The following HS3ST4 variants were observed in gnomAD, a reference collection of about 807,000 sequenced individuals.
HS3ST4 encodes heparan sulfate-glucosamine 3-sulfotransferase 4.
A neutral mutation model predicts 29.2 loss-of-function variants in HS3ST4; 17 were observed. The observed-to-expected ratio is 0.58, with a 90% CI of 0.40 to 0.87. The LOEUF (loss-of-function observed/expected upper bound fraction) is 0.87. Ranked by LOEUF, HS3ST4 falls within the 40% of genes least tolerant of loss-of-function variation. The probability of loss-of-function intolerance (pLI) is 0.00; values close to 1 mark genes in which losing one functional copy is unlikely to be tolerated. For synonymous variants in HS3ST4, 314 were observed against 285.7 expected (o/e 1.10, Z -1.00); for missense variants, 627 against 634.5 (o/e 0.99, Z 0.13).
chr16:25,787,328 G>A (rs1401371102), intron 1 of HS3ST4, among the ~76,000 whole-genome samples: 3 of 152,334 alleles, frequency 2.0e-5, no homozygotes, highest in African/African-American at 7.2e-5. Context: ...CAAAATCAGA[G>A]CTGAGGAAGT....
At chr16:25,772,500 C>G (rs774429195) in intron 1 of HS3ST4, among the ~76,000 whole-genome samples, 1 of 152,178 alleles carries the variant, frequency 6.6e-6, no homozygotes, top group Non-Finnish European at 1.5e-5. Flanking sequence ...ATACTTATCT[C>G]CAAGAGTTTT....
intron 1 of HS3ST4, among the ~76,000 whole-genome samples, chr16:25,744,504 TA>T (rs1052584281): frequency 6.6e-6 from 1 of 152,140 alleles, no homozygotes; most frequent in South Asian, 2.1e-4. Flanking sequence ...CTTAGATATA[TA>T]AAAAAAGTCC....
intron 1 of HS3ST4, among the ~76,000 whole-genome samples, chr16:26,094,995 A>C (rs1480552449): frequency 6.6e-6 from 1 of 152,210 alleles, no homozygotes; most frequent in East Asian, 1.9e-4. Context: ...CTTTAAACCA[A>C]AAAAGATCAA....
chr16:26,051,178 C>T (rs938425197), intron 1 of HS3ST4, among the ~76,000 whole-genome samples: 1 of 152,084 alleles, frequency 6.6e-6, no homozygotes, highest in African/African-American at 2.4e-5. Context: ...CTTGGTTCCT[C>T]CAAACCCATT....
intron 1 of HS3ST4, among the ~76,000 whole-genome samples, chr16:25,817,313 A>G (rs895442842): frequency 6.6e-6 from 1 of 152,238 alleles, no homozygotes; most frequent in Non-Finnish European, 1.5e-5. Flanking sequence ...CCACTACTCC[A>G]AGATTCTTGG....
At chr16:25,925,829 G>C (rs987059723) in intron 1 of HS3ST4, among the ~76,000 whole-genome samples, 7 of 152,050 alleles carry the variant, frequency 4.6e-5, no homozygotes, top group South Asian at 2.1e-4. Context: ...CCCATGCCTC[G>C]TGGCTTGACA....
chr16:25,821,057 ATTTTTTTT>A (rs1259738012), intron 1 of HS3ST4, among the ~76,000 whole-genome samples: 1 of 135,052 alleles, frequency 7.4e-6, no homozygotes, highest in East Asian at 2.1e-4. Context: ...GCGCCTTTGA[ATTTTTTTT>A]TTTTTTTTTT....
At chr16:25,959,454 G>A (rs919691795) in intron 1 of HS3ST4, among the ~76,000 whole-genome samples, 2 of 152,168 alleles carry the variant, frequency 1.3e-5, no homozygotes. Context: ...AACCCGGCAT[G>A]CAATTCTTGT....
At chr16:25,896,854 G>A (rs533786858) in intron 1 of HS3ST4, among the ~76,000 whole-genome samples, 1 of 152,326 alleles carries the variant, frequency 6.6e-6, no homozygotes, top group East Asian at 1.9e-4. Flanking sequence ...TGCAGCAACA[G>A]GGATGCAGCT....
Position 25,961,837 on chromosome 16 carries a change from ACTT to A in HS3ST4, c.735-173774_735-173772del, listed in dbSNP as rs770439720. ...AAAATTAATGACCTAAAATCATAAA[ACTT>A]ACACTTAAAGTTTCTTACTTAGAAA... On this transcript the variant is annotated intron_variant, in intron 1 of 1. Coordinates refer to ENST00000331351, the MANE Select transcript of HS3ST4 (RefSeq NM_006040.3). 4.6e-4 allele frequency among the ~76,000 whole-genome samples: 70 copies of A among 151,576 alleles called. No homozygotes were observed. In the Middle Eastern group the frequency reaches 0.02, roughly 44 times the overall value.
intron 1 of HS3ST4, among the ~76,000 whole-genome samples, chr16:26,053,850 A>G (rs2141767161): frequency 6.6e-6 from 1 of 152,220 alleles, no homozygotes; most frequent in East Asian, 1.9e-4. Context: ...GGTAACATCC[A>G]CCACAAAATC....
chr16:25,863,794 A>C (rs1331631383), intron 1 of HS3ST4, among the ~76,000 whole-genome samples: 1 of 152,218 alleles, frequency 6.6e-6, no homozygotes, highest in East Asian at 1.9e-4. Flanking sequence ...CTAATCCTTG[A>C]ACATCGTGCT....
intron 1 of HS3ST4, among the ~76,000 whole-genome samples, chr16:26,020,548 T>G (rs1259525729): frequency 1.3e-5 from 2 of 152,230 alleles, no homozygotes; most frequent in African/African-American, 4.8e-5. Flanking sequence ...CTGCAGGGCT[T>G]CACAAACACA....
At chr16:25,778,938 T>C (rs1966850246) in intron 1 of HS3ST4, among the ~76,000 whole-genome samples, 1 of 152,214 alleles carries the variant, frequency 6.6e-6, no homozygotes, top group Non-Finnish European at 1.5e-5. Context: ...GTTTACCACA[T>C]GGATTTTGGA....
chr16:25,795,238 TG>T (rs1359953704), intron 1 of HS3ST4, among the ~76,000 whole-genome samples: 1 of 152,174 alleles, frequency 6.6e-6, no homozygotes, highest in Non-Finnish European at 1.5e-5. Flanking sequence ...CCCAAAGTGC[TG>T]GGATTACAGG....
intron 1 of HS3ST4, among the ~76,000 whole-genome samples, chr16:25,901,850 C>T (rs972296999): frequency 3.3e-5 from 5 of 152,098 alleles, no homozygotes; most frequent in African/African-American, 1.2e-4. Flanking sequence ...AGAATTCTCC[C>T]AAAAAACTGG....
intron 1 of HS3ST4, among the ~76,000 whole-genome samples, chr16:25,842,584 C>T (rs1967426618): frequency 6.6e-6 from 1 of 152,086 alleles, no homozygotes; most frequent in South Asian, 2.1e-4. Flanking sequence ...CTGAATTAAC[C>T]CTGAAATCTT....
chr16:25,968,509 A>G (rs1172137218), intron 1 of HS3ST4, among the ~76,000 whole-genome samples: 2 of 152,098 alleles, frequency 1.3e-5, no homozygotes, highest in South Asian at 2.1e-4. Context: ...ACAGGTGCCA[A>G]TGATCATTTC....
chr16:25,995,000 T>G (rs1969146317), intron 1 of HS3ST4, among the ~76,000 whole-genome samples: 1 of 152,226 alleles, frequency 6.6e-6, no homozygotes, highest in Non-Finnish European at 1.5e-5. Context: ...CCAATACAAT[T>G]TAAAACTTAT....
Sources: allele counts gnomAD v4.1 joint callset (sites outside exome capture counted in the v4.1 genomes callset), GRCh38; gene constraint gnomAD v4.1.1; transcripts MANE v1.5; gene names NCBI Gene and HGNC (gene_info 2026-07-23, HGNC 2026-07-21).